RNF111: variants seen among roughly 807,000 people sequenced by gnomAD.
The protein encoded by RNF111 is ring finger protein 111.
Under a neutral mutation model 95.1 loss-of-function variants are expected in RNF111, and 17 were observed. The ratio of observed to expected loss-of-function variants is 0.18; its 90% CI spans 0.12 to 0.27. RNF111 has a LOEUF of 0.27. RNF111 is among the 10% of genes least tolerant of loss of function. The pLI, the probability that RNF111 is intolerant of heterozygous loss-of-function variation, is 1.00. For synonymous variants in RNF111, 440 were observed against 414.8 expected, an observed-to-expected ratio of 1.06 and a Z score of -0.74; for missense variants, 1,189 against 1,210.4, an observed-to-expected ratio of 0.98 and a Z score of 0.26.
intron 7 of RNF111, 39 bp downstream of exon 7, chr15:59,076,254 G>A (rs774289663): frequency 3.1e-6 from 5 of 1,588,742 alleles, no homozygotes; most frequent in Admixed American, 1.7e-5. Flanking sequence ...CTAGAGTCAT[G>A]TCAATGAAGC....
intron 2 of RNF111, among the ~76,000 whole-genome samples, chr15:59,046,402 A>G (rs1030414915): frequency 3.3e-5 from 5 of 152,180 alleles, no homozygotes; most frequent in Non-Finnish European, 7.3e-5. Context: ...CATGTTACCC[A>G]GGCTGGTCTC....
chr15:59,066,940 C>T lies in RNF111; in HGVS notation c.1543C>T (p.His515Tyr), dbSNP rs752245735. 31 of 1,613,976 alleles carry T rather than the reference C, an allele frequency of 1.9e-5. No homozygotes were observed. The highest frequency in any genetic ancestry group is 5.0e-5 in the Admixed American group (3 of 59,988). The change falls in exon 6 of 14, where the codon CAT (histidine) becomes TAT (tyrosine). Residue 515 changes from histidine to tyrosine, a missense_variant. Coordinates refer to ENST00000348370, the MANE Select transcript of RNF111 (RefSeq NM_017610.8). ...FQQHGHHFQH[H>Y]HHHHHTPHPA... The stretch of plus-strand genomic sequence containing the variant: ...GCAGCATGGTCACCATTTTCAACAT[C>T]ATCACCACCACCACCATACTCCCCA...
Position 59,016,115 on chromosome 15 carries a change from G to A in RNF111, c.-19-14689G>A, listed in dbSNP as rs562670018. Among the ~76,000 whole-genome samples the A allele has an allele frequency of 2.8e-4, 42 of 151,544 alleles. 2 individuals carry two copies. Among genetic ancestry groups the A allele is most frequent in the Non-Finnish European group, 5.4e-4 (37 of 67,928 alleles). Reference sequence around the variant, plus strand: ...GCCTCCAAGAGTGCTAGGATTACAGGCATGAGTCACTGCTCCTGGCCAATT... The same window carrying A: ...GCCTCCAAGAGTGCTAGGATTACAGACATGAGTCACTGCTCCTGGCCAATT... On this transcript the variant is annotated intron_variant, in intron 1 of 13. Coordinates refer to ENST00000348370, the MANE Select transcript of RNF111 (RefSeq NM_017610.8).
At chr15:59,035,051 A>G (rs754833764) in intron 2 of RNF111, among the ~76,000 whole-genome samples, 9 of 152,190 alleles carry the variant, frequency 5.9e-5, no homozygotes, top group Non-Finnish European at 1.0e-4. Context: ...ATGAAGAGCA[A>G]AGTCACGTCT....
intron 6 of RNF111, among the ~76,000 whole-genome samples, chr15:59,071,473 A>G (rs2042923658): frequency 6.6e-6 from 1 of 152,056 alleles, no homozygotes; most frequent in African/African-American, 2.4e-5. Context: ...GCTTGACCGC[A>G]AGAGTTCGAG....
chr15:59,055,770 A>C lies in RNF111; in HGVS notation c.1096A>C (p.Ser366Arg). The C allele has an allele frequency of 1.2e-6, 2 of 1,614,054 alleles. No homozygotes were observed. The highest frequency in any genetic ancestry group is 1.7e-6 in the Non-Finnish European group (2 of 1,179,972). The change falls in exon 4 of 14, where the codon AGT (serine) becomes CGT (arginine). Residue 366 changes from serine (S) to arginine (R), a missense_variant. Coordinates refer to ENST00000348370, the MANE Select transcript of RNF111 (RefSeq NM_017610.8). The part of the protein sequence containing the change: ...ASRPQEPRNR[S>R]RISTVIQPLR... ...TCGGCCACAGGAGCCACGGAACCGCAGTAGGATTTCTACTGTTATACAGCC... is the reference window on the plus strand; with the variant it reads ...TCGGCCACAGGAGCCACGGAACCGCCGTAGGATTTCTACTGTTATACAGCC...
intron 1 of RNF111, among the ~76,000 whole-genome samples, chr15:58,999,258 T>A (rs1479176119): frequency 6.6e-6 from 1 of 152,188 alleles, no homozygotes; most frequent in East Asian, 1.9e-4. Context: ...TTGCAAAAAA[T>A]GTATAGCATT....
Position 59,031,129 on chromosome 15 carries a change from T to G in RNF111, c.307T>G (p.Ser103Ala). ...KKRKSQQAGP[S>A]YVQNCVKENQ... ...ACGCAAAAGCCAGCAGGCTGGCCCT[T>G]CGTATGTGCAGAATTGTGTTAAAGA... is the stretch of plus-strand genomic sequence containing the variant. The change falls in exon 2 of 14, where the codon TCG becomes GCG. Residue 103 changes from serine to alanine, a missense_variant. By Grantham distance (99) the Ser-to-Ala change is moderately conservative. Transcript: ENST00000348370. 6.2e-7 allele frequency: 1 copy of G among 1,614,158 alleles called. No homozygotes were observed. Among genetic ancestry groups the G allele is most frequent in the Non-Finnish European group, 8.5e-7 (1 of 1,180,018 alleles).
At chr15:59,015,688 T>C (rs1287214086) in intron 1 of RNF111, among the ~76,000 whole-genome samples, 5 of 152,008 alleles carry the variant, frequency 3.3e-5, no homozygotes, top group African/African-American at 9.7e-5. Context: ...ATGTTGCCAT[T>C]TCTTAGCATT....
intron 5 of RNF111, among the ~76,000 whole-genome samples, chr15:59,061,154 G>A (rs185933955): frequency 1.3e-5 from 2 of 152,078 alleles, no homozygotes; most frequent in Admixed American, 6.6e-5. Context: ...CTTTATTTCA[G>A]AATATTCCAA....
intron 6 of RNF111, 88 bp downstream of exon 6, chr15:59,067,171 T>A: frequency 1.8e-6 from 2 of 1,122,528 alleles, no homozygotes; most frequent in East Asian, 2.4e-5. Context: ...TTCCTCTTCC[T>A]TCATTCCTGT....
intron 8 of RNF111, among the ~76,000 whole-genome samples, chr15:59,082,011 C>A (rs1270447265): frequency 2.6e-5 from 4 of 152,146 alleles, no homozygotes; most frequent in African/African-American, 9.7e-5. Flanking sequence ...AACTCCTGTG[C>A]TTAAGTGATC....
chr15:59,024,083 T>C (rs1295262009), intron 1 of RNF111, among the ~76,000 whole-genome samples: 4 of 152,316 alleles, frequency 2.6e-5, no homozygotes, highest in East Asian at 3.9e-4. Context: ...TCCCCAGTTA[T>C]ATGGTAAATA....
chr15:59,092,718 G>A, intron 13 of RNF111, 78 bp downstream of exon 13: 1 of 1,355,362 alleles, frequency 7.4e-7, no homozygotes, highest in Non-Finnish European at 1.0e-6. Flanking sequence ...ATTACACCGG[G>A]CATGATGGCT....
chr15:59,087,477 C>T (rs1366304746), intron 10 of RNF111, among the ~76,000 whole-genome samples: 2 of 152,052 alleles, frequency 1.3e-5, no homozygotes, highest in Admixed American at 6.6e-5. Flanking sequence ...TATTGTTGAT[C>T]GGAAGCCTTA....
rs541395450 is a variant in RNF111 at position 59,092,016 on chromosome 15, G to C, written c.2740-521G>C. Among the ~76,000 whole-genome samples, 82 of 152,320 alleles carry C rather than the reference G, an allele frequency of 5.4e-4. 1 individual carries two copies. The highest frequency in any genetic ancestry group is 1.9e-3 in the African/African-American group (79 of 41,584). Reference sequence around the variant, plus strand: ...CAGCCAGGTACTGGTTTGCAGCCCAGGGGTTGGAGACTCCTTTATACTATG... The same window carrying C: ...CAGCCAGGTACTGGTTTGCAGCCCACGGGTTGGAGACTCCTTTATACTATG... On this transcript the variant is annotated intron_variant, in intron 12 of 13. Coordinates refer to ENST00000348370, the MANE Select transcript of RNF111 (RefSeq NM_017610.8).
rs1555464535 is a variant in RNF111 at position 58,988,023 on chromosome 15, AG to A, written c.-64del. On this transcript the variant is annotated 5_prime_UTR_variant, in exon 1 of 14. The change creates a new upstream start codon in the 5' untranslated region. Transcript: ENST00000348370. ...ACATTTCTGTCTTCCTTCCTGGGTC[AG>A]TGATTCCCGGACCCTGGAAGAGAAG... is the stretch of plus-strand genomic sequence containing the variant. The A allele has an allele frequency of 6.9e-6, 1 of 145,490 alleles. No homozygotes were observed. The highest frequency in any genetic ancestry group is 1.5e-5 in the Non-Finnish European group (1 of 67,040). 9.0% of individuals were successfully genotyped at this position (145,490 alleles called of 1,614,324 possible).
At chr15:59,074,136 C>G (rs973877796) in intron 6 of RNF111, among the ~76,000 whole-genome samples, 8 of 152,152 alleles carry the variant, frequency 5.3e-5, no homozygotes, top group Non-Finnish European at 1.0e-4. Context: ...GTACTGTCAT[C>G]TAGGCTTTGT....
At position 59,076,096 on chromosome 15, in the gene RNF111, C is replaced by T. The variant is rs2043153670; in HGVS notation, c.1829C>T (p.Ala610Val). The change falls in exon 7 of 14, where the codon GCC (alanine) becomes GTC (valine). Residue 610 changes from alanine (A) to valine (V), a missense_variant. This residue lies in a region of RNF111 where 1,024 missense variants were observed against 925.9 expected (regional missense o/e 1.11). Transcript: ENST00000348370. ...AIFGHQAAAAAPSQPLSSIDG... is the reference protein window; with the variant it reads ...AIFGHQAAAAVPSQPLSSIDG... ...TTTGGCCATCAGGCCGCTGCTGCTGCCCCAAGTCAACCTTTATCATCAATA... is the reference window on the plus strand; with the variant it reads ...TTTGGCCATCAGGCCGCTGCTGCTGTCCCAAGTCAACCTTTATCATCAATA... 1.2e-6 allele frequency: 2 copies of T among 1,614,100 alleles called. No individual in the cohort carries two copies. The highest frequency in any genetic ancestry group is 1.1e-5 in the South Asian group (1 of 91,096).
Sources: gnomAD v4.1 joint callset for allele counts (sites outside exome capture counted in the v4.1 genomes callset) on GRCh38, gnomAD v4.1.1 for gene constraint, gnomAD v4.1.1 regional missense constraint, MANE v1.5 for transcripts, NCBI Gene and HGNC (gene_info 2026-07-23, HGNC 2026-07-21) for gene names.